The following NDUFA13 variants were observed in gnomAD, a reference collection of about 807,000 sequenced individuals.
NDUFA13 encodes the protein NADH dehydrogenase [ubiquinone] 1 alpha subcomplex subunit 13.
In NDUFA13, 16 loss-of-function variants were observed where a neutral mutation model predicts 17.0. The observed-to-expected ratio is 0.94, with a 90% confidence interval of 0.64 to 1.43. The LOEUF is 1.43. Among genes scored for constraint, NDUFA13 ranks in the 40% most tolerant of loss-of-function variants. The pLI is 0.00. For missense variants in NDUFA13, 228 were observed against 206.7 expected (o/e 1.10, Z -0.63); for synonymous variants, 87 against 78.4 (o/e 1.11, Z -0.58).
At chr19:19,523,373 T>G (rs920068487) in intron 1 of NDUFA13, among the ~76,000 whole-genome samples, 4 of 152,212 alleles carry the variant, frequency 2.6e-5, no homozygotes, top group African/African-American at 9.6e-5. Context: ...GAGGATTGCT[T>G]GAGGCCAGGA....
intron 1 of NDUFA13, among the ~76,000 whole-genome samples, chr19:19,522,773 C>T (rs185750106): frequency 8.2e-4 from 125 of 152,210 alleles, no homozygotes; most frequent in African/African-American, 2.8e-3. Context: ...CCACTGCGCC[C>T]GGCAGGTCTT....
chr19:19,527,632 T>TA, intron 3 of NDUFA13, 69 bp from the exon 4 acceptor site: 1 of 1,246,040 alleles, frequency 8.0e-7, no homozygotes, highest in South Asian at 1.3e-5. Context: ...GGGGTGCTAC[T>TA]AGGGGCCCTA....
chr19:19,526,560 CAA>C, intron 2 of NDUFA13: 1 of 441,396 alleles, frequency 2.3e-6, no homozygotes, highest in East Asian at 4.8e-5. Context: ...CTCGCCACCC[CAA>C]AAAATGTGTC....
At chr19:19,522,376 T>A (rs1324989868) in intron 1 of NDUFA13, among the ~76,000 whole-genome samples, 1 of 151,572 alleles carries the variant, frequency 6.6e-6, no homozygotes, top group East Asian at 1.9e-4. Context: ...CTTGTGCTTC[T>A]GGTGTCATAT....
In NDUFA13 at chr19:19,516,265, C is replaced by G. The variant is rs759232999; in HGVS notation, c.27C>G (p.Asp9Glu). Residue 9 changes from aspartate to glutamate, a missense_variant, in exon 1 of 5, where the codon GAC becomes GAG. Asp to Glu is a conservative substitution (Grantham distance 45, BLOSUM62 2). Coordinates refer to ENST00000507754, the MANE Select transcript of NDUFA13 (RefSeq NM_015965.7). MAASKVKQDMPPPGGYGPI... is the reference protein window; with the variant it reads MAASKVKQEMPPPGGYGPI... ...TGGCGGCGTCAAAGGTGAAGCAGGACATGCCTCCGCCGGGGGGCTATGGGC... is the reference window on the plus strand; with the variant it reads ...TGGCGGCGTCAAAGGTGAAGCAGGAGATGCCTCCGCCGGGGGGCTATGGGC... The G allele has an allele frequency of 6.2e-6, 10 of 1,613,984 alleles. No individual in the cohort carries two copies. Among genetic ancestry groups the G allele is most frequent in the Non-Finnish European group, 8.5e-6 (10 of 1,180,042 alleles).
chr19:19,517,051 T>C (rs1339549004), intron 1 of NDUFA13, among the ~76,000 whole-genome samples: 2 of 152,136 alleles, frequency 1.3e-5, no homozygotes, highest in Non-Finnish European at 2.9e-5. Context: ...CCTCCCAAAG[T>C]GCTGGGATTA....
chr19:19,526,953 C>T (rs1007904660), intron 2 of NDUFA13, among the ~76,000 whole-genome samples: 1 of 152,290 alleles, frequency 6.6e-6, no homozygotes, highest in South Asian at 2.1e-4. Context: ...CCCAGAGCCC[C>T]GTGATGAAGT....
chr19:19,523,314 G>C (rs569883370), intron 1 of NDUFA13, among the ~76,000 whole-genome samples: 5 of 152,380 alleles, frequency 3.3e-5, no homozygotes, highest in Admixed American at 3.3e-4. Flanking sequence ...CCAAGGCCGG[G>C]CTCAGTGGCT....
intron 1 of NDUFA13, among the ~76,000 whole-genome samples, chr19:19,517,264 G>A (rs2061054077): frequency 6.7e-6 from 1 of 150,338 alleles, no homozygotes; most frequent in African/African-American, 2.5e-5. Flanking sequence ...TTTTAAGACG[G>A]TATGGTTCTG....
intron 1 of NDUFA13, chr19:19,525,955 G>C: frequency 1.5e-6 from 2 of 1,360,290 alleles, no homozygotes; most frequent in Admixed American, 2.8e-5. Flanking sequence ...GATGGACCTG[G>C]GGCCCCCCTA....
chr19:19,526,063 G>T, intron 1 of NDUFA13, 119 bp from the exon 2 acceptor site: 1 of 1,536,762 alleles, frequency 6.5e-7, no homozygotes, highest in Non-Finnish European at 8.7e-7. Flanking sequence ...CACAGTCCAA[G>T]CAGCCTCACT....
At chr19:19,527,461 C>G in intron 3 of NDUFA13, 109 bp downstream of exon 3, 1 of 1,344,566 alleles carries the variant, frequency 7.4e-7, no homozygotes, top group Non-Finnish European at 1.1e-6. Flanking sequence ...GGGCCATCGC[C>G]CTGTGCCGTC....
chr19:19,516,397 G>A, intron 1 of NDUFA13, 65 bp downstream of exon 1: 1 of 1,561,770 alleles, frequency 6.4e-7, no homozygotes, highest in Non-Finnish European at 8.8e-7. Context: ...CGGGGTTCCG[G>A]GGACACAGGC....
intron 1 of NDUFA13, among the ~76,000 whole-genome samples, chr19:19,517,507 C>G (rs990523268): frequency 6.6e-6 from 1 of 152,002 alleles, no homozygotes; most frequent in African/African-American, 2.4e-5. Flanking sequence ...CTACCGTGCT[C>G]GGCAGAATGC....
rs899583830 is a variant in NDUFA13 at position 19,526,356 on chromosome 19, A to G, written c.173+96A>G. 4.4e-6 allele frequency: 6 copies of G among 1,373,636 alleles called. No individual in the cohort carries two copies. In the South Asian group the frequency reaches 6.1e-5, roughly 14 times the overall value. The allele number at this position is 1,373,636 out of a possible 1,614,324, so 85.1% of individuals were successfully genotyped here. ...TGTTGTCTGTGCTGGCGAGGGGTGA[A>G]CGGGCCCCTTGGACTTGGCTGTGCA... On this transcript the variant is annotated intron_variant, in intron 2 of 4. Transcript: ENST00000507754.
intron 1 of NDUFA13, among the ~76,000 whole-genome samples, chr19:19,519,971 C>CTTTT (rs397963977): frequency 0.041 from 4,898 of 120,120 alleles, 160 homozygotes; most frequent in East Asian, 0.07. Flanking sequence ...TTTTTGTTCT[C>CTTTT]TTTTTTTTTT....
chr19:19,517,498 T>A (rs2061055466), intron 1 of NDUFA13, among the ~76,000 whole-genome samples: 1 of 151,720 alleles, frequency 6.6e-6, no homozygotes, highest in Admixed American at 6.6e-5. Flanking sequence ...CGGCATGAGC[T>A]ACCGTGCTCG....
intron 3 of NDUFA13, 113 bp downstream of exon 3, chr19:19,527,465 T>G: frequency 7.7e-7 from 1 of 1,297,826 alleles, no homozygotes; most frequent in South Asian, 1.2e-5. Flanking sequence ...CATCGCCCTG[T>G]GCCGTCAGCT....
At chr19:19,519,045 A>ATTTTTTTTTTTT (rs71170693) in intron 1 of NDUFA13, among the ~76,000 whole-genome samples, 12 of 114,878 alleles carry the variant, frequency 1.0e-4, no homozygotes, top group African/African-American at 2.3e-4. Context: ...GGCCCGGCCT[A>ATTTTTTTTTTTT]TTTTTTTTTT....
Sources: gnomAD v4.1 joint callset for allele counts (sites outside exome capture counted in the v4.1 genomes callset) on GRCh38, gnomAD v4.1.1 for gene constraint, MANE v1.5 for transcripts, NCBI Gene and HGNC (gene_info 2026-07-23, HGNC 2026-07-21) for gene names.